STAU2: variants seen among roughly 807,000 people sequenced by gnomAD.
STAU2 encodes the protein double-stranded RNA-binding protein Staufen homolog 2.
A neutral mutation model predicts 65.9 loss-of-function variants in STAU2; 20 were observed. The ratio of observed to expected loss-of-function variants is 0.30; its 90% CI spans 0.21 to 0.44. STAU2 has a LOEUF of 0.44. Ranked by LOEUF, STAU2 falls within the 20% of genes least tolerant of loss-of-function variation. The pLI is 1.00. For missense variants in STAU2, 558 were observed against 683.9 expected (o/e 0.82, Z 2.05); for synonymous variants, 232 against 233.9 (o/e 0.99, Z 0.07).
intron 13 of STAU2, 119 bp from the exon 14 acceptor site, chr8:73,422,821 ATTGT>A (rs1218821841): frequency 1.5e-6 from 1 of 645,216 alleles, no homozygotes; most frequent in Non-Finnish European, 2.4e-6. Context: ...TTTTTTTTGC[ATTGT>A]TTAACAAAAG....
In STAU2 at chr8:73,583,338, G is replaced by A. The variant is rs1810130359; in HGVS notation, c.1162-508C>T. ...TTTTTGTATTTTTAGTAGAGATGGG[G>A]TTTCGCCATGTTAGCCAGGCTGGTC... On this transcript the variant is annotated intron_variant, in intron 11 of 14. Transcript: ENST00000524300. Among the ~76,000 whole-genome samples, 2 of 151,876 alleles carry A rather than the reference G, an allele frequency of 1.3e-5. 1 individual carries two copies. Among genetic ancestry groups the A allele is most frequent in the South Asian group, 4.2e-4 (2 of 4,814 alleles).
intron 12 of STAU2, among the ~76,000 whole-genome samples, chr8:73,578,940 A>G (rs971372395): frequency 1.3e-5 from 2 of 152,148 alleles, no homozygotes; most frequent in Admixed American, 6.5e-5. Context: ...CTGTCACCTT[A>G]AAAGTCCAAC....
rs56687221 is a variant in STAU2 at position 73,586,646 on chromosome 8, CAAA to C, written c.1162-3819_1162-3817del. Among the ~76,000 whole-genome samples, 332 of 62,728 alleles carry C rather than the reference CAAA, an allele frequency of 5.3e-3. 3 individuals are homozygous for C. Among genetic ancestry groups the C allele is most frequent in the African/African-American group, 0.015 (313 of 21,068 alleles). 41.2% of individuals were successfully genotyped at this position (62,728 alleles called of 152,430 possible). ...TGAGGAGAACAGAAGAAAAAAAATG[CAAA>C]AAAAAAAAAAAAAAAAAATCCTCAG... On this transcript the variant is annotated intron_variant, in intron 11 of 14. Transcript: ENST00000524300.
At position 73,658,010 on chromosome 8, in the gene STAU2, T is replaced by TA. The variant is rs573003161; in HGVS notation, c.410+15096dup. ...GCTTGGCGACAGAGCAACACTCCATTAAAAAAAAAAAATATTTAAAAGGCA... is the reference window on the plus strand; with the variant it reads ...GCTTGGCGACAGAGCAACACTCCATTAAAAAAAAAAAAATATTTAAAAGGCA... On this transcript the variant is annotated intron_variant, in intron 6 of 14. Coordinates refer to ENST00000524300, the MANE Select transcript of STAU2 (RefSeq NM_001164380.2). Among the ~76,000 whole-genome samples, 426 of 142,142 alleles carry TA rather than the reference T, an allele frequency of 3.0e-3. 2 individuals carry two copies. Among genetic ancestry groups the TA allele is most frequent in the Middle Eastern group, 7.9e-3 (2 of 254 alleles). 93.3% of individuals were successfully genotyped at this position (142,142 alleles called of 152,430 possible).
chr8:73,681,800 G>A (rs7016777), intron 5 of STAU2, among the ~76,000 whole-genome samples: 30,757 of 152,004 alleles, frequency 0.2, 3,498 homozygotes, highest in East Asian at 0.37. Context: ...CATGCAAACA[G>A]ACACCAAAAG....
upstream of STAU2, chr8:73,747,356 C>T (rs1277571062): frequency 3.9e-6 from 6 of 1,534,532 alleles, no homozygotes; most frequent in Admixed American, 2.0e-5. Flanking sequence ...CTTTCTGGTC[C>T]GCACCCTGTG....
At chr8:73,560,428 G>GA (rs1419019841) in intron 12 of STAU2, among the ~76,000 whole-genome samples, 1 of 152,136 alleles carries the variant, frequency 6.6e-6, no homozygotes, top group Non-Finnish European at 1.5e-5. Context: ...GAACAGTGGT[G>GA]AAAATCAACC....
rs1819128710 is a variant in STAU2, at chr8:73,688,805, T to C, written c.123A>G (p.Ser41=). ...TCTGCTCACCAAGACTCAGCTGCAC[T>C]GAGAACATCTTAGAAAAACATAAAT... ...ERGPAHSKMF[S]VQLSLGEQTW... Residue 41 remains serine (S), a synonymous_variant, in exon 5 of 15, where the codon TCA becomes TCG. Transcript: ENST00000524300. 6.2e-7 allele frequency: 1 copy of C among 1,613,598 alleles called. No individual in the cohort carries two copies. The highest frequency in any genetic ancestry group is 8.5e-7 in the Non-Finnish European group (1 of 1,179,804).
chr8:73,583,149 C>T (rs1810115380), intron 11 of STAU2, among the ~76,000 whole-genome samples: 1 of 141,594 alleles, frequency 7.1e-6, no homozygotes, highest in Non-Finnish European at 1.5e-5. Context: ...AAAAATAAAT[C>T]TTTTTTTTTT....
intron 3 of STAU2, among the ~76,000 whole-genome samples, chr8:73,709,396 T>C (rs1486017275): frequency 6.6e-6 from 1 of 152,138 alleles, no homozygotes; most frequent in Non-Finnish European, 1.5e-5. Context: ...TCTATGTATA[T>C]AACAGCATGC....
At position 73,545,893 on chromosome 8, in the gene STAU2, C is replaced by T. The variant is rs143207964; in HGVS notation, c.1530+6119G>A. 5.1e-3 allele frequency among the ~76,000 whole-genome samples: 776 copies of T among 151,732 alleles called. 8 individuals carry two copies. Among genetic ancestry groups the T allele is most frequent in the African/African-American group, 0.018 (738 of 41,360 alleles). ...CGATCTCCTGACCTCGTGATCCGCC[C>T]GCCTTGGCCTCCCAAAGTGCAGGGA... On this transcript the variant is annotated intron_variant, in intron 13 of 14. Transcript: ENST00000524300.
intron 6 of STAU2, among the ~76,000 whole-genome samples, chr8:73,656,545 T>C (rs1015239057): frequency 2.0e-5 from 3 of 152,254 alleles, no homozygotes; most frequent in African/African-American, 7.2e-5. Flanking sequence ...TTATACCTGC[T>C]ATTGTTTCCC....
rs374954222 is a variant in STAU2 at position 73,693,315 on chromosome 8, T to C, written c.115-4502A>G. 3.7e-4 allele frequency among the ~76,000 whole-genome samples: 56 copies of C among 151,728 alleles called. No homozygotes were observed. The South Asian group carries it at 0.011, about 31-fold the overall frequency. ...GGTGAAACCCCATCTCTACTAAAAA[T>C]ACAAAAAAAATTAGCCGGGCGTGGT... On this transcript the variant is annotated intron_variant, in intron 4 of 14. Transcript: ENST00000524300.
intron 13 of STAU2, chr8:73,439,069 C>T: frequency 2.2e-6 from 1 of 456,512 alleles, no homozygotes; most frequent in Non-Finnish European, 4.4e-6. Flanking sequence ...TGTGTCTGGA[C>T]TTCCCAGGGG....
chr8:73,627,737 A>G (rs1450271571), intron 6 of STAU2, among the ~76,000 whole-genome samples: 1 of 140,924 alleles, frequency 7.1e-6, no homozygotes, highest in Non-Finnish European at 1.5e-5. Flanking sequence ...CGGCTAGTAA[A>G]TACTCATTAA....
chr8:73,451,481 C>CA (rs1292861893), intron 13 of STAU2, among the ~76,000 whole-genome samples: 2 of 151,894 alleles, frequency 1.3e-5, no homozygotes, highest in East Asian at 3.9e-4. Flanking sequence ...CACTCGGATT[C>CA]AAAAAAATAT....
chr8:73,740,771 T>TG (rs995929052), intron 1 of STAU2, among the ~76,000 whole-genome samples: 2 of 151,730 alleles, frequency 1.3e-5, no homozygotes, highest in African/African-American at 4.8e-5. Context: ...GAGGCCGAGG[T>TG]GGGGGGATCA....
At chr8:73,628,240 A>ATT (rs36043885) in intron 6 of STAU2, among the ~76,000 whole-genome samples, 15 of 146,578 alleles carry the variant, frequency 1.0e-4, no homozygotes, top group East Asian at 6.0e-4. Flanking sequence ...TGCCTGGCTA[A>ATT]TTTTTTTTTT....
intron 13 of STAU2, among the ~76,000 whole-genome samples, chr8:73,534,374 C>A (rs1806044662): frequency 6.6e-6 from 1 of 152,178 alleles, no homozygotes; most frequent in Non-Finnish European, 1.5e-5. Flanking sequence ...AAGCAGCTTT[C>A]TTTCATAAAT....
Sources: allele counts gnomAD v4.1 joint callset (sites outside exome capture counted in the v4.1 genomes callset), GRCh38; gene constraint gnomAD v4.1.1; transcripts MANE v1.5; gene names NCBI Gene and HGNC (gene_info 2026-07-23, HGNC 2026-07-21).